Variants in ERI1 observed in about 807,000 individuals in gnomAD.
The protein encoded by ERI1 is 3'-5' exoribonuclease 1.
In ERI1, 39 loss-of-function variants were observed where a neutral mutation model predicts 39.7. The ratio of observed to expected loss-of-function variants is 0.98; its 90% CI spans 0.76 to 1.28. The LOEUF (loss-of-function observed/expected upper bound fraction) is 1.28, where lower values mean the gene tolerates loss of function less well. Ranked by LOEUF, ERI1 falls within the 50% of genes most tolerant of loss-of-function variation. ERI1 has a pLI of 0.00. For synonymous variants in ERI1, 204 were observed against 149.6 expected (o/e 1.36, Z -2.65); for missense variants, 581 against 416.9 (o/e 1.39, Z -3.43).
At chr8:9,098,037 G>T (rs1438444716) in intron 3 of ERI1, among the ~76,000 whole-genome samples, 1 of 152,164 alleles carries the variant, frequency 6.6e-6, no homozygotes. Flanking sequence ...ACCAAACATC[G>T]CATGTTCTCA....
At chr8:9,058,041 T>G (rs1798566234) in intron 3 of ERI1, among the ~76,000 whole-genome samples, 1 of 152,194 alleles carries the variant, frequency 6.6e-6, no homozygotes, top group African/African-American at 2.4e-5. Flanking sequence ...CCAGAAAGTT[T>G]TCAGCCACAA....
At chr8:9,016,580 G>C (rs1352554756) in intron 4 of ERI1, among the ~76,000 whole-genome samples, 175 bp downstream of exon 4, 1 of 151,290 alleles carries the variant, frequency 6.6e-6, no homozygotes, top group Non-Finnish European at 1.5e-5. Context: ...TTTATATCTG[G>C]TAACATTTTC....
chr8:9,066,153 TTCC>T (rs1371602352), intron 3 of ERI1, among the ~76,000 whole-genome samples: 1 of 152,192 alleles, frequency 6.6e-6, no homozygotes, highest in Non-Finnish European at 1.5e-5. Context: ...CTCCACCTTC[TTCC>T]TCCTCCTCTT....
rs1031952855 is a variant in ERI1, at chr8:9,033,090, T to C, written c.*3056T>C. On this transcript the variant is annotated 3_prime_UTR_variant, in exon 7 of 7. Coordinates refer to ENST00000250263, the MANE Select transcript of ERI1 (RefSeq NM_153332.4). ...TCTATTATACTTAGAAATTTCCTCT[T>C]TGTTCTGCACCACCAACCTGTATAT... 6.6e-6 allele frequency: 1 copy of C among 152,172 alleles called. No homozygotes were observed. Among genetic ancestry groups the C allele is most frequent in the Non-Finnish European group, 1.5e-5 (1 of 68,048 alleles). 9.4% of individuals were successfully genotyped at this position (152,172 alleles called of 1,614,324 possible).
At chr8:9,012,022 G>GT (rs1489492092) in intron 3 of ERI1, among the ~76,000 whole-genome samples, 1 of 105,312 alleles carries the variant, frequency 9.5e-6, no homozygotes, top group Non-Finnish European at 2.3e-5. Context: ...GAATCTCCTG[G>GT]TAAGTAAAAA....
chr8:9,089,839 G>GAAGAAATGAA (rs1799649109), intron 3 of ERI1, among the ~76,000 whole-genome samples: 2 of 152,158 alleles, frequency 1.3e-5, no homozygotes, highest in Non-Finnish European at 2.9e-5. Context: ...GGTGTGGCAG[G>GAAGAAATGAA]ATGGGTTCAG....
intron 3 of ERI1, among the ~76,000 whole-genome samples, chr8:9,097,334 T>C (rs1056678654): frequency 6.6e-6 from 1 of 152,164 alleles, no homozygotes; most frequent in East Asian, 1.9e-4. Flanking sequence ...GACCCAGTGG[T>C]AAACCAAACA....
In ERI1 at chr8:9,041,434, G is replaced by C. The variant is rs112317544; in HGVS notation, n.299+20970G>C. ...ATTCTCCAGGGTTGACCATAGGTTA[G>C]GACACAAAACAAGTCTCAAGAGCTT... On this transcript the variant is annotated intron_variant and non_coding_transcript_variant, in intron 3 of 3. Coordinates refer to the ERI1 transcript ENST00000518663. Among the ~76,000 whole-genome samples, 450 of 152,242 alleles carry C rather than the reference G, an allele frequency of 3.0e-3. 2 individuals carry two copies. The highest frequency in any genetic ancestry group is 9.9e-3 in the African/African-American group (412 of 41,540).
intron 3 of ERI1, among the ~76,000 whole-genome samples, chr8:9,041,681 A>T (rs1585253290): frequency 6.6e-6 from 1 of 152,238 alleles, no homozygotes; most frequent in East Asian, 1.9e-4. Context: ...GACCTAGCAA[A>T]AACAGTATTG....
In ERI1 at chr8:9,020,439, G is replaced by A. The variant is rs759494595; in HGVS notation, c.782G>A (p.Arg261Gln). ...PPFAKKWINI[R>Q]KSYGNFYKVP... is the part of the protein sequence containing the mutation. ...TTTGCGAAAAAGTGGATCAATATTC[G>A]GAAGTCATATGGAAATTTTTACAAG... Residue 261 changes from arginine to glutamine, a missense_variant, in exon 6 of 7, where the codon CGG becomes CAG. Physicochemically the swap from Arg to Gln is conservative, Grantham distance 43. Transcript: ENST00000250263. 3 of 1,602,958 alleles carry A rather than the reference G, an allele frequency of 1.9e-6. No individual in the cohort carries two copies. The highest frequency in any genetic ancestry group is 2.3e-5 in the South Asian group (2 of 88,512).
At chr8:9,059,437 A>G (rs1427911721) in intron 3 of ERI1, among the ~76,000 whole-genome samples, 1 of 152,118 alleles carries the variant, frequency 6.6e-6, no homozygotes, top group Non-Finnish European at 1.5e-5. Context: ...TGCTTCGAGC[A>G]GGATTAGGGG....
chr8:9,026,479 A>G (rs901105156), intron 6 of ERI1, among the ~76,000 whole-genome samples: 2 of 152,198 alleles, frequency 1.3e-5, no homozygotes, highest in Non-Finnish European at 2.9e-5. Context: ...GGAGGCGTAC[A>G]GTATTTGATC....
intron 3 of ERI1, among the ~76,000 whole-genome samples, chr8:9,073,936 A>G (rs890981084): frequency 1.8e-4 from 27 of 152,146 alleles, no homozygotes; most frequent in Admixed American, 1.8e-3. Flanking sequence ...AAATTTTATT[A>G]TTTTTAAAAT....
rs750661290 is a variant in ERI1, at chr8:9,020,324, AT to A, written c.693-20del. The A allele has an allele frequency of 5.2e-6, 7 of 1,346,344 alleles. 1 individual carries two copies. The African/African-American group carries it at 6.0e-5, about 11-fold the overall frequency. 83.4% of individuals were successfully genotyped at this position (1,346,344 alleles called of 1,614,324 possible). On this transcript the variant is annotated intron_variant, in intron 5 of 6. Transcript: ENST00000250263. ...GAATAGCATAGCGTTTATTTCATCA[AT>A]TTTTTGTCCTTTTTTAATTTATAGT...
chr8:9,059,279 A>T (rs888814482), intron 3 of ERI1, among the ~76,000 whole-genome samples: 2 of 152,106 alleles, frequency 1.3e-5, no homozygotes, highest in African/African-American at 4.8e-5. Context: ...GTCACAGGGG[A>T]TATGATGGCT....
At chr8:9,028,481 C>A (rs894244649) in intron 6 of ERI1, among the ~76,000 whole-genome samples, 3 of 152,098 alleles carry the variant, frequency 2.0e-5, no homozygotes, top group African/African-American at 7.2e-5. Flanking sequence ...ATCCCAGTAA[C>A]CCTATGAGTA....
chr8:9,045,900 A>C (rs1798161905), intron 3 of ERI1, among the ~76,000 whole-genome samples: 1 of 151,938 alleles, frequency 6.6e-6, no homozygotes, highest in Non-Finnish European at 1.5e-5. Flanking sequence ...GCTGGTCTTG[A>C]ATTCCTGACC....
chr8:9,067,292 G>C (rs565022008), intron 3 of ERI1, among the ~76,000 whole-genome samples: 1 of 151,950 alleles, frequency 6.6e-6, no homozygotes, highest in South Asian at 2.1e-4. Context: ...TAGATATAAA[G>C]AGTCCATTAT....
chr8:9,071,989 C>T (rs926762063), intron 3 of ERI1, among the ~76,000 whole-genome samples: 3 of 152,122 alleles, frequency 2.0e-5, no homozygotes, highest in Non-Finnish European at 4.4e-5. Flanking sequence ...TCATTTGAAC[C>T]TGGGAGGTCG....
Sources: allele counts gnomAD v4.1 joint callset (sites outside exome capture counted in the v4.1 genomes callset), GRCh38; gene constraint gnomAD v4.1.1; transcripts MANE v1.5; gene names NCBI Gene and HGNC (gene_info 2026-07-23, HGNC 2026-07-21).